Variants in ZNF343 observed in about 807,000 individuals in gnomAD.
ZNF343 encodes zinc finger protein 343.
In ZNF343, 11 loss-of-function variants were observed where a neutral mutation model predicts 13.8. The ratio of observed to expected loss-of-function variants is 0.80; its 90% CI spans 0.50 to 1.32. The LOEUF is 1.32. Among genes scored for constraint, ZNF343 ranks in the 40% most tolerant of loss-of-function variants. The probability of loss-of-function intolerance (pLI) is 0.00; values close to 1 mark genes in which losing one functional copy is unlikely to be tolerated. For missense variants in ZNF343, 658 were observed against 714.2 expected (o/e 0.92, Z 0.90); for synonymous variants, 248 against 260.0 (o/e 0.95, Z 0.44).
At chr20:2,497,240 G>C (rs996008054) in intron 2 of ZNF343, among the ~76,000 whole-genome samples, 1 of 152,164 alleles carries the variant, frequency 6.6e-6, no homozygotes, top group East Asian at 1.9e-4. Flanking sequence ...AATACTGGAG[G>C]GGAAGGAAGA....
upstream of ZNF343, among the ~76,000 whole-genome samples, chr20:2,512,048 T>G (rs143275174): frequency 5.3e-3 from 804 of 152,236 alleles, 6 homozygotes; most frequent in Non-Finnish European, 6.5e-3. Flanking sequence ...GATTTGAAAA[T>G]AAGAAAATAG....
Position 2,484,588 on chromosome 20 carries a change from T to C in ZNF343, c.373A>G (p.Ser125Gly), listed in dbSNP as rs2085253558. 1.2e-6 allele frequency: 2 copies of C among 1,613,898 alleles called. No individual in the cohort carries two copies. The highest frequency in any genetic ancestry group is 1.7e-6 in the Non-Finnish European group (2 of 1,179,884). The change falls in exon 6 of 6, where the codon AGT becomes GGT. Residue 125 changes from serine (S) to glycine (G), a missense_variant. Ser to Gly is a moderately conservative substitution (Grantham distance 56, BLOSUM62 0). Transcript: ENST00000278772. Reference sequence around the variant, plus strand: ...AGGAAGATCTGAAGTACATGTTGACTGAGGAACTGCTGACAGGAGAAGGCC... The same window carrying C: ...AGGAAGATCTGAAGTACATGTTGACCGAGGAACTGCTGACAGGAGAAGGCC... ...LLAFSCQQFL[S>G]QHVLQIFLGL...
chr20:2,505,626 G>A (rs576829634), intron 1 of ZNF343, among the ~76,000 whole-genome samples: 2 of 152,298 alleles, frequency 1.3e-5, no homozygotes, highest in South Asian at 2.1e-4. Flanking sequence ...AGAGCCCTCA[G>A]AAATAATGCC....
At position 2,493,760 on chromosome 20, in the gene ZNF343, T is replaced by C; in HGVS notation, c.118+18A>G. 1 of 1,595,738 alleles carries C rather than the reference T, an allele frequency of 6.3e-7. No homozygotes were observed. The highest frequency in any genetic ancestry group is 8.6e-7 in the Non-Finnish European group (1 of 1,163,314). ...TTGGCTTCCTCTTCATCCCTCCGGC[T>C]CCCTCAACAATTCTCACCTTTCGCT... is the stretch of plus-strand genomic sequence containing the variant. On this transcript the variant is annotated intron_variant, in intron 3 of 5. Coordinates refer to ENST00000278772, the MANE Select transcript of ZNF343 (RefSeq NM_024325.6).
intron 1 of ZNF343, among the ~76,000 whole-genome samples, chr20:2,524,238 G>T (rs1052320552): frequency 2.0e-5 from 3 of 149,166 alleles, no homozygotes; most frequent in Non-Finnish European, 3.0e-5. Flanking sequence ...TTGAGCTGGG[G>T]AGGTCGAGGC....
In ZNF343 at chr20:2,483,863, T is replaced by C. The variant is rs1363428847; in HGVS notation, c.1098A>G (p.Ser366=). Residue 366 remains serine (S), a synonymous_variant, in exon 6 of 6, where the codon TCA becomes TCG. Coordinates refer to ENST00000278772, the MANE Select transcript of ZNF343 (RefSeq NM_024325.6). ...SECGRGFSEK[S]SFIRHQRTHS... is the part of the protein sequence containing the mutation. ...GTGTCCTCTGGTGTCTGATGAAGGA[T>C]GACTTCTCGCTAAAGCCTCGCCCAC... The C allele has an allele frequency of 3.7e-6, 6 of 1,613,746 alleles. No individual in the cohort carries two copies. In the African/African-American group the frequency reaches 8.0e-5, roughly 22 times the overall value.
At chr20:2,520,519 T>C (rs1433549252) in intron 1 of ZNF343, among the ~76,000 whole-genome samples, 2 of 152,236 alleles carry the variant, frequency 1.3e-5, no homozygotes, top group African/African-American at 4.8e-5. Flanking sequence ...TATGCCTAGC[T>C]ACATTTTAAT....
At chr20:2,521,815 G>A (rs116027792) in intron 1 of ZNF343, among the ~76,000 whole-genome samples, 2,379 of 152,328 alleles carry the variant, frequency 0.016, 64 homozygotes, top group African/African-American at 0.053. Flanking sequence ...GGAGGGAAAA[G>A]CTGGGACATA....
intron 5 of ZNF343, chr20:2,491,824 A>G (rs1386581336): frequency 6.6e-6 from 1 of 152,078 alleles, no homozygotes; most frequent in African/African-American, 2.4e-5. Context: ...GCAATTGATA[A>G]CATTTATCAA....
At chr20:2,493,651 C>T in intron 3 of ZNF343, 74 bp from the exon 4 acceptor site, 1 of 1,013,706 alleles carries the variant, frequency 9.9e-7, no homozygotes, top group Non-Finnish European at 1.4e-6. Flanking sequence ...GCTCCCTGAG[C>T]AGCTCTTCTG....
At chr20:2,485,071 C>T (rs894040956) in intron 5 of ZNF343, among the ~76,000 whole-genome samples, 3 of 152,138 alleles carry the variant, frequency 2.0e-5, no homozygotes, top group African/African-American at 7.2e-5. Context: ...TAAAAAGTCC[C>T]TCATTCTGGA....
At chr20:2,509,383 C>G (rs1476680324), upstream of ZNF343, among the ~76,000 whole-genome samples, 2 of 152,182 alleles carry the variant, frequency 1.3e-5, no homozygotes, top group African/African-American at 4.8e-5. Context: ...CAGGGCAAAG[C>G]CGCCTCCCAG....
At chr20:2,500,633 T>C (rs1453291638) in intron 2 of ZNF343, 23 bp downstream of exon 2, 1 of 152,148 alleles carries the variant, frequency 6.6e-6, no homozygotes, top group Non-Finnish European at 1.5e-5. Context: ...GCTATGGGAA[T>C]GTGAAAGGTA....
chr20:2,511,310 A>G (rs562783518), upstream of ZNF343, among the ~76,000 whole-genome samples: 467 of 152,124 alleles, frequency 3.1e-3, 2 homozygotes, highest in African/African-American at 0.01. Context: ...GGGTTTCACC[A>G]TGTTGCCCAG....
chr20:2,493,573 C>CA lies in ZNF343; in HGVS notation c.122dup (p.Leu41PhefsTer4), dbSNP rs764363456. 6.2e-7 allele frequency: 1 copy of CA among 1,613,494 alleles called. No individual in the cohort carries two copies. The highest frequency in any genetic ancestry group is 1.1e-5 in the South Asian group (1 of 91,060). Reference sequence around the variant, plus strand: ...GGGGGCAGTCAGTATCATTAGAAGGCAAGCCTAGGGAAAGAAAAAGAAGCT... The same window carrying CA: ...GGGGGCAGTCAGTATCATTAGAAGGCAAAGCCTAGGGAAAGAAAAAGAAGCT... On this transcript the variant is annotated frameshift_variant, in exon 4 of 6. Coordinates refer to ENST00000278772, the MANE Select transcript of ZNF343 (RefSeq NM_024325.6). LOFTEE classifies it high-confidence loss of function.
At chr20:2,516,706 A>G (rs1049837969) in intron 1 of ZNF343, among the ~76,000 whole-genome samples, 2 of 152,000 alleles carry the variant, frequency 1.3e-5, no homozygotes, top group African/African-American at 4.8e-5. Flanking sequence ...TGAGGATGAA[A>G]GGGAGATTGA....
At chr20:2,513,729 C>T (rs944489319), upstream of ZNF343, among the ~76,000 whole-genome samples, 1 of 152,042 alleles carries the variant, frequency 6.6e-6, no homozygotes, top group African/African-American at 2.4e-5. Context: ...GGAAACAATC[C>T]GAATGTTCAT....
intron 2 of ZNF343, 71 bp from the exon 3 acceptor site, chr20:2,494,115 C>G: frequency 1.9e-6 from 1 of 518,552 alleles, no homozygotes; most frequent in Admixed American, 3.3e-5. Context: ...GCCTCTTCAA[C>G]AGGGATCCTG....
intron 1 of ZNF343, among the ~76,000 whole-genome samples, chr20:2,523,939 G>A (rs1018981338): frequency 2.8e-5 from 4 of 144,966 alleles, no homozygotes; most frequent in East Asian, 2.0e-4. Flanking sequence ...AGCTGAGATC[G>A]TGCCACTGCA....
Sources: allele counts gnomAD v4.1 joint callset (sites outside exome capture counted in the v4.1 genomes callset), GRCh38; gene constraint gnomAD v4.1.1; transcripts MANE v1.5; gene names NCBI Gene and HGNC (gene_info 2026-07-23, HGNC 2026-07-21).